TVP23B: variants seen among roughly 807,000 people sequenced by gnomAD.
TVP23B encodes Golgi apparatus membrane protein TVP23 homolog B.
Under a neutral mutation model 30.6 loss-of-function variants are expected in TVP23B, and 10 were observed. That is an observed-to-expected ratio of 0.33 (90% confidence interval 0.20 to 0.55). The LOEUF (loss-of-function observed/expected upper bound fraction) is 0.55, where lower values mean the gene tolerates loss of function less well. TVP23B is among the 20% of genes least tolerant of loss of function. The pLI is 0.91. For synonymous variants in TVP23B, 67 were observed against 83.1 expected (o/e 0.81, Z 1.06); for missense variants, 153 against 243.2 (o/e 0.63, Z 2.47).
At chr17:18,791,248 C>T (rs1195188630) in intron 3 of TVP23B, among the ~76,000 whole-genome samples, 9 of 111,906 alleles carry the variant, frequency 8.0e-5, no homozygotes, top group African/African-American at 1.0e-4. Flanking sequence ...ATGAGACATG[C>T]AGGTTACTGT....
rs182315154 is a variant in TVP23B, at chr17:18,789,281, A to G, written c.13-72A>G. On this transcript the variant is annotated intron_variant, in intron 1 of 6. Transcript: ENST00000307767. ...TTATCTTCTATTTTGATGAGTATGC[A>G]GCTTTGCATTGCAGTGGCTGTGTAA... The G allele has an allele frequency of 3.8e-5, 60 of 1,583,412 alleles. No individual in the cohort carries two copies. The East Asian group carries it at 1.1e-3, about 30-fold the overall frequency.
chr17:18,790,696 T>C (rs1288781223), intron 2 of TVP23B, among the ~76,000 whole-genome samples, 200 bp from the exon 3 acceptor site: 1 of 152,212 alleles, frequency 6.6e-6, no homozygotes, highest in Non-Finnish European at 1.5e-5. Context: ...TAGTGTATTT[T>C]CTGTAACTAC....
chr17:18,792,059 G>GTTTCACT (rs2036004083), intron 3 of TVP23B, among the ~76,000 whole-genome samples: 1 of 151,500 alleles, frequency 6.6e-6, no homozygotes, highest in South Asian at 2.1e-4. Flanking sequence ...TTGAGACGGA[G>GTTTCACT]TTTCACTTTT....
At chr17:18,802,976 T>C (rs2036191596) in intron 5 of TVP23B, among the ~76,000 whole-genome samples, 1 of 152,178 alleles carries the variant, frequency 6.6e-6, no homozygotes, top group Non-Finnish European at 1.5e-5. Context: ...CCATGAAACA[T>C]AAGTTTAGAA....
chr17:18,800,275 G>A (rs1209713962), intron 5 of TVP23B, among the ~76,000 whole-genome samples: 1 of 151,818 alleles, frequency 6.6e-6, no homozygotes, highest in East Asian at 1.9e-4. Flanking sequence ...TTTCTCTCTT[G>A]TTTGTTCCAA....
chr17:18,783,085 A>ATTTATTTATTTATTTATTTC (rs2035833546), intron 1 of TVP23B, among the ~76,000 whole-genome samples: 1 of 105,480 alleles, frequency 9.5e-6, no homozygotes. Context: ...CTATTTATTT[A>ATTTATTTATTTATTTATTTC]TTTATTGATT....
chr17:18,786,711 T>G (rs1227085494), intron 1 of TVP23B, among the ~76,000 whole-genome samples: 19 of 152,204 alleles, frequency 1.2e-4, no homozygotes, highest in Admixed American at 6.5e-5. Context: ...TGAGAACCAC[T>G]AGTCTCATAG....
At chr17:18,787,832 T>G (rs566097628) in intron 1 of TVP23B, among the ~76,000 whole-genome samples, 1 of 151,868 alleles carries the variant, frequency 6.6e-6, no homozygotes, top group African/African-American at 2.4e-5. Context: ...TATCCTATAC[T>G]TGTAGGGATG....
chr17:18,790,125 A>C (rs2035968215), intron 2 of TVP23B, among the ~76,000 whole-genome samples: 1 of 152,214 alleles, frequency 6.6e-6, no homozygotes, highest in Admixed American at 6.5e-5. Flanking sequence ...ACCTTAAATA[A>C]GTAAATTGTA....
intron 1 of TVP23B, among the ~76,000 whole-genome samples, chr17:18,785,164 C>A (rs1417458315): frequency 2.6e-4 from 40 of 152,272 alleles, no homozygotes; most frequent in Non-Finnish European, 1.0e-4. Flanking sequence ...ACTACAGTAG[C>A]CAGAATTCTC....
rs1262370766 is a variant in TVP23B at position 18,798,883 on chromosome 17, T to C, written c.402T>C (p.Cys134=). Residue 134 remains cysteine (C), a synonymous_variant, in exon 5 of 7, where the codon TGT becomes TGC. Transcript: ENST00000307767. ...SRIFWLGLIA[C]PVLWVIFAFS... is the part of the protein sequence containing the mutation. Reference sequence around the variant, plus strand: ...TCTTTTGGTTGGGACTTATTGCCTGTCCAGTACTGTGGGTGATATTTGCTT... The same window carrying C: ...TCTTTTGGTTGGGACTTATTGCCTGCCCAGTACTGTGGGTGATATTTGCTT... The C allele has an allele frequency of 3.7e-6, 6 of 1,613,718 alleles. No homozygotes were observed. In the African/African-American group the frequency reaches 6.7e-5, roughly 18 times the overall value.
intron 6 of TVP23B, chr17:18,804,664 C>T (rs1597625504): frequency 1.2e-6 from 1 of 858,674 alleles, no homozygotes; most frequent in Non-Finnish European, 1.4e-6. Context: ...TCTTGGCTCA[C>T]TGCAACCTCT....
chr17:18,801,986 G>T (rs1371725471), intron 5 of TVP23B, among the ~76,000 whole-genome samples: 1 of 152,088 alleles, frequency 6.6e-6, no homozygotes, highest in Admixed American at 6.5e-5. Flanking sequence ...CTTTGGGAGG[G>T]CCAAGGCGGG....
chr17:18,804,979 A>T (rs1476568258), intron 6 of TVP23B, among the ~76,000 whole-genome samples: 2 of 150,272 alleles, frequency 1.3e-5, no homozygotes, highest in South Asian at 2.1e-4. Context: ...GAACATAAGG[A>T]TTTTACTATA....
In TVP23B at chr17:18,806,455, A is replaced by G; in HGVS notation, c.*888A>G. 1 of 320,484 alleles carries G rather than the reference A, an allele frequency of 3.1e-6. No individual in the cohort carries two copies. Among genetic ancestry groups the G allele is most frequent in the Non-Finnish European group, 4.5e-6 (1 of 224,008 alleles). The allele number at this position is 320,484 out of a possible 1,614,324, so 19.9% of individuals were successfully genotyped here. ...GGGATATTGTAAATTATGCATTTGT[A>G]TTAATGGTATTTCTTAAAGCAATCT... On this transcript the variant is annotated 3_prime_UTR_variant, in exon 7 of 7. Coordinates refer to ENST00000307767, the MANE Select transcript of TVP23B (RefSeq NM_016078.6).
At position 18,781,234 on chromosome 17, in the gene TVP23B, C is replaced by T; in HGVS notation, c.-60C>T. ...GTGACGGGTCGCCTCAGTTCCGACC[C>T]GGACCCGTACGCTGCTGCGCTGACG... On this transcript the variant is annotated 5_prime_UTR_variant, in exon 1 of 7. Transcript: ENST00000307767. 2 of 1,551,648 alleles carry T rather than the reference C, an allele frequency of 1.3e-6. No individual in the cohort carries two copies. The highest frequency in any genetic ancestry group is 1.7e-6 in the Non-Finnish European group (2 of 1,148,132).
chr17:18,785,198 T>C (rs1393672518), intron 1 of TVP23B, among the ~76,000 whole-genome samples: 1 of 152,176 alleles, frequency 6.6e-6, no homozygotes, highest in Admixed American at 6.5e-5. Context: ...AGTCAGAACA[T>C]GCAGTCTTAC....
At chr17:18,798,276 G>A (rs568898259) in intron 4 of TVP23B, among the ~76,000 whole-genome samples, 1 of 152,240 alleles carries the variant, frequency 6.6e-6, no homozygotes, top group East Asian at 1.9e-4. Flanking sequence ...TTTTAAGAAA[G>A]TGGCACTGTG....
chr17:18,790,952 A>G lies in TVP23B; in HGVS notation c.152A>G (p.Tyr51Cys), dbSNP rs542524262. The G allele has an allele frequency of 1.7e-5, 28 of 1,613,200 alleles. No individual in the cohort carries two copies. Among genetic ancestry groups the G allele is most frequent in the Admixed American group, 1.5e-4 (9 of 59,840 alleles). ...TTTCGAGTCAGTGCAATCATCGTCT[A>G]TCTTCTCTGTGGGTTGCTCAGCAGC... ...LFFRVSAIIVYLLCGLLSSSF... is the reference protein window; with the variant it reads ...LFFRVSAIIVCLLCGLLSSSF... The change falls in exon 3 of 7, where the codon TAT becomes TGT. Residue 51 changes from tyrosine (Y) to cysteine (C), a missense_variant. Tyr to Cys is a radical substitution (Grantham distance 194, BLOSUM62 -2). Coordinates refer to ENST00000307767, the MANE Select transcript of TVP23B (RefSeq NM_016078.6).
Sources: gnomAD v4.1 joint callset for allele counts (sites outside exome capture counted in the v4.1 genomes callset) on GRCh38, gnomAD v4.1.1 for gene constraint, MANE v1.5 for transcripts, NCBI Gene and HGNC (gene_info 2026-07-23, HGNC 2026-07-21) for gene names.